The following DNAH17 variants were observed in gnomAD, a reference collection of about 807,000 sequenced individuals.
The protein encoded by DNAH17 is axonemal beta dynein heavy chain 17.
Under a neutral mutation model 485.6 loss-of-function variants are expected in DNAH17, and 376 were observed. The ratio of observed to expected loss-of-function variants is 0.77; its 90% CI spans 0.71 to 0.84. The LOEUF is 0.84. Among genes scored for constraint, DNAH17 ranks in the 40% least tolerant of loss-of-function variants. The pLI is 0.00. For missense variants in DNAH17, 6,370 were observed against 5,839.3 expected (o/e 1.09, Z -2.96); for synonymous variants, 3,031 against 2,405.9 (o/e 1.26, Z -7.60).
chr17:78,531,760 T>G (rs908706528), intron 20 of DNAH17, among the ~76,000 whole-genome samples: 22 of 152,370 alleles, frequency 1.4e-4, no homozygotes, highest in Admixed American at 1.2e-3. Context: ...TGAAGTGAGT[T>G]TCTTCTAAGC....
intron 55 of DNAH17, among the ~76,000 whole-genome samples, chr17:78,467,721 G>A (rs1446009579): frequency 1.3e-5 from 2 of 152,142 alleles, no homozygotes; most frequent in Non-Finnish European, 2.9e-5. Flanking sequence ...GGGGAGTTTA[G>A]CCTGCTTACC....
chr17:78,438,288 C>G (rs926856200), intron 73 of DNAH17, among the ~76,000 whole-genome samples: 17 of 149,732 alleles, frequency 1.1e-4, no homozygotes, highest in Non-Finnish European at 2.2e-4. Flanking sequence ...CAGAGGCGCT[C>G]GAGGACAAGC....
intron 55 of DNAH17, among the ~76,000 whole-genome samples, chr17:78,468,033 AGAGAG>A (rs1280915243): frequency 1.2e-4 from 5 of 43,422 alleles, no homozygotes; most frequent in East Asian, 8.5e-4. Context: ...AAAAAAAAAA[AGAGAG>A]AGAGAGAGAG....
intron 1 of DNAH17, among the ~76,000 whole-genome samples, chr17:78,575,751 A>G (rs941307005): frequency 7.2e-5 from 11 of 152,192 alleles, no homozygotes; most frequent in African/African-American, 2.7e-4. Context: ...GGATCCCCTT[A>G]AAGAACACCC....
At chr17:78,444,189 C>T (rs188625664) in intron 71 of DNAH17, among the ~76,000 whole-genome samples, 1 of 152,298 alleles carries the variant, frequency 6.6e-6, no homozygotes, top group African/African-American at 2.4e-5. Flanking sequence ...CTTAAAAGGA[C>T]CCCATTTGTA....
intron 69 of DNAH17, among the ~76,000 whole-genome samples, chr17:78,448,597 T>C (rs1004678192): frequency 6.6e-6 from 1 of 152,148 alleles, no homozygotes; most frequent in Non-Finnish European, 1.5e-5. Context: ...GTAAAGGAAA[T>C]TGCAGAGGGG....
intron 80 of DNAH17, chr17:78,424,399 A>C: frequency 2.2e-6 from 1 of 461,522 alleles, no homozygotes; most frequent in Non-Finnish European, 3.9e-6. Flanking sequence ...CATCCGTTTA[A>C]ATCTGTGGCA....
intron 52 of DNAH17, 49 bp from the exon 53 acceptor site, chr17:78,475,882 C>T: frequency 6.3e-7 from 1 of 1,590,380 alleles, no homozygotes; most frequent in Non-Finnish European, 8.6e-7. Flanking sequence ...GCCACCATGA[C>T]CACACAGATA....
intron 21 of DNAH17, 108 bp from the exon 22 acceptor site, chr17:78,529,802 T>C (rs1016560019): frequency 6.2e-6 from 7 of 1,135,626 alleles, no homozygotes; most frequent in Non-Finnish European, 8.8e-6. Flanking sequence ...CAACTGGCCA[T>C]CACTGAAGGC....
At chr17:78,562,979 A>C (rs2092189815) in intron 11 of DNAH17, among the ~76,000 whole-genome samples, 1 of 152,232 alleles carries the variant, frequency 6.6e-6, no homozygotes, top group Non-Finnish European at 1.5e-5. Flanking sequence ...GGGCCAGACC[A>C]GCTGCGGTGA....
intron 68 of DNAH17, 41 bp downstream of exon 68, chr17:78,450,213 C>T: frequency 6.2e-7 from 1 of 1,610,264 alleles, no homozygotes; most frequent in Non-Finnish European, 8.5e-7. Context: ...AGATGCAGCC[C>T]CACCTTGAGG....
At chr17:78,563,381 C>T (rs1404235902) in intron 11 of DNAH17, among the ~76,000 whole-genome samples, 2 of 151,560 alleles carry the variant, frequency 1.3e-5, no homozygotes, top group Non-Finnish European at 2.9e-5. Flanking sequence ...TTGTTCAAAG[C>T]ATTGACATGG....
At chr17:78,543,040 G>A (rs906558040) in intron 17 of DNAH17, among the ~76,000 whole-genome samples, 12 of 152,234 alleles carry the variant, frequency 7.9e-5, no homozygotes, top group Non-Finnish European at 1.8e-4. Context: ...ATCATAAGAG[G>A]AACCAGGCTT....
At chr17:78,544,887 T>C (rs1001664732) in intron 16 of DNAH17, among the ~76,000 whole-genome samples, 2 of 151,926 alleles carry the variant, frequency 1.3e-5, no homozygotes, top group Non-Finnish European at 2.9e-5. Flanking sequence ...CATTAGATTT[T>C]TTTTCCCTAC....
intron 19 of DNAH17, among the ~76,000 whole-genome samples, chr17:78,534,139 C>G (rs914053104): frequency 5.3e-5 from 8 of 152,246 alleles, no homozygotes; most frequent in Non-Finnish European, 1.2e-4. Flanking sequence ...TCCCCTTTAC[C>G]CAACTCTCAC....
At chr17:78,543,338 C>T (rs574369105) in intron 17 of DNAH17, among the ~76,000 whole-genome samples, 5 of 149,488 alleles carry the variant, frequency 3.3e-5, no homozygotes, top group South Asian at 2.1e-4. Context: ...AGCCGGACTG[C>T]GGATTGCAGT....
At position 78,487,306 on chromosome 17, in the gene DNAH17, T is replaced by C. The variant is rs377395992; in HGVS notation, c.6819-800A>G. On this transcript the variant is annotated intron_variant, in intron 44 of 80. Transcript: ENST00000389840. The stretch of plus-strand genomic sequence containing the variant: ...TTCCATGACCCTCATTTCCAAGGAC[T>C]ACATGGGCTGATATTTTTAAAGCTC... Among the ~76,000 whole-genome samples, 43 of 152,288 alleles carry C rather than the reference T, an allele frequency of 2.8e-4. No individual in the cohort carries two copies. In the South Asian group the frequency reaches 8.7e-3, roughly 31 times the overall value.
intron 56 of DNAH17, among the ~76,000 whole-genome samples, chr17:78,464,316 G>C (rs2088302420): frequency 6.6e-6 from 1 of 152,178 alleles, no homozygotes; most frequent in Admixed American, 6.5e-5. Flanking sequence ...CTAGAGTGCA[G>C]TGGCACAATC....
rs768281174 is a variant in DNAH17 at position 78,451,613 on chromosome 17, G to C, written c.10590C>G (p.His3530Gln). ...EYHPKFRLIL[H>Q]TKYFNPHYKP... Reference sequence around the variant, plus strand: ...TGTAGTGTGGGTTGAAGTACTTGGTGTGTAGGATCAGGCGGAACTTGGGGT... The same window carrying C: ...TGTAGTGTGGGTTGAAGTACTTGGTCTGTAGGATCAGGCGGAACTTGGGGT... The change falls in exon 66 of 81, where the codon CAC becomes CAG. Residue 3530 changes from histidine to glutamine, a missense_variant. Coordinates refer to ENST00000389840, the MANE Select transcript of DNAH17 (RefSeq NM_173628.4). 1.2e-6 allele frequency: 2 copies of C among 1,607,814 alleles called. No homozygotes were observed. Among genetic ancestry groups the C allele is most frequent in the South Asian group, 2.2e-5 (2 of 90,438 alleles).
Sources: gnomAD v4.1 joint callset for allele counts (sites outside exome capture counted in the v4.1 genomes callset) on GRCh38, gnomAD v4.1.1 for gene constraint, MANE v1.5 for transcripts, NCBI Gene and HGNC (gene_info 2026-07-23, HGNC 2026-07-21) for gene names.